CHRNB1: variants seen among roughly 807,000 people sequenced by gnomAD.
The protein encoded by CHRNB1 is acetylcholine receptor subunit beta.
CHRNB1 carries 47 observed loss-of-function variants against 53.8 expected under a neutral mutation model. The ratio of observed to expected loss-of-function variants is 0.87; its 90% CI spans 0.69 to 1.11. The LOEUF (loss-of-function observed/expected upper bound fraction) is 1.11. Among genes scored for constraint, CHRNB1 ranks in the 50% most tolerant of loss-of-function variants. The pLI is 0.00. For missense variants in CHRNB1, 605 were observed against 654.9 expected (o/e 0.92, Z 0.83); for synonymous variants, 259 against 263.5 (o/e 0.98, Z 0.16).
At chr17:7,452,624 C>A (rs1233249474) in intron 7 of CHRNB1, among the ~76,000 whole-genome samples, 7 of 152,314 alleles carry the variant, frequency 4.6e-5, no homozygotes, top group Admixed American at 2.0e-4. Context: ...GCCATGGAAA[C>A]ACCTGGGAGT....
At chr17:7,449,776 G>T (rs1908814083) in intron 7 of CHRNB1, among the ~76,000 whole-genome samples, 1 of 151,772 alleles carries the variant, frequency 6.6e-6, no homozygotes, top group South Asian at 2.1e-4. Context: ...CGGGCGCGGT[G>T]GCTCACGCCT....
At chr17:7,455,203 T>A in intron 8 of CHRNB1, 81 bp from the exon 9 acceptor site, 1 of 1,504,736 alleles carries the variant, frequency 6.6e-7, no homozygotes. Flanking sequence ...GGAATGGGCA[T>A]GTGGAGTGGG....
Position 7,456,642 on chromosome 17 carries a change from C to A in CHRNB1, c.1425C>A (p.Phe475Leu), listed in dbSNP as rs767365992. The change falls in exon 11 of 11, where the codon TTC (phenylalanine) becomes TTA (leucine). Residue 475 changes from phenylalanine (F) to leucine (L), a missense_variant. Coordinates refer to ENST00000306071, the MANE Select transcript of CHRNB1 (RefSeq NM_000747.3). ...TGGACCGCCTCTTCCTGTGGACTTT[C>A]ATCATCTTCACCAGCGTTGGGACCC... ...MVVDRLFLWTFIIFTSVGTLV... is the reference protein window; with the variant it reads ...MVVDRLFLWTLIIFTSVGTLV... The A allele has an allele frequency of 1.2e-6, 2 of 1,614,138 alleles. No individual in the cohort carries two copies. The highest frequency in any genetic ancestry group is 2.2e-5 in the East Asian group (1 of 44,876).
chr17:7,452,494 T>C (rs1908925992), intron 7 of CHRNB1, among the ~76,000 whole-genome samples: 1 of 152,112 alleles, frequency 6.6e-6, no homozygotes, highest in South Asian at 2.1e-4. Flanking sequence ...TAGAGCAAGG[T>C]GGTGATGTAG....
At position 7,454,534 on chromosome 17, in the gene CHRNB1, C is replaced by T. The variant is rs762732871; in HGVS notation, c.1044+14C>T. ...TGGGTCCGTCAGGTAAGAAAGATCT[C>T]CTCCTCCAACCCCAATTTTCCTTTT... On this transcript the variant is annotated intron_variant, in intron 8 of 10. Coordinates refer to ENST00000306071, the MANE Select transcript of CHRNB1 (RefSeq NM_000747.3). 3.7e-6 allele frequency: 6 copies of T among 1,603,118 alleles called. No individual in the cohort carries two copies. The highest frequency in any genetic ancestry group is 5.1e-6 in the Non-Finnish European group (6 of 1,170,166).
rs76001008 is a variant in CHRNB1, at chr17:7,454,288, C to T, written c.821-9C>T. Reference sequence around the variant, plus strand: ...TCTAATCCTTCTCTCTTCCCCTCTGCCCTCCAAGGAGAGAAGATGGGGCTC... The same window carrying T: ...TCTAATCCTTCTCTCTTCCCCTCTGTCCTCCAAGGAGAGAAGATGGGGCTC... On this transcript the variant is annotated splice_polypyrimidine_tract_variant and intron_variant, in intron 7 of 10. Transcript: ENST00000306071. 0.018 allele frequency: 29,023 copies of T among 1,605,916 alleles called. 321 individuals carry two copies. The highest frequency in any genetic ancestry group is 0.021 in the Non-Finnish European group (24,677 of 1,172,524).
chr17:7,446,438 C>CG (rs1567676932), intron 3 of CHRNB1: 3 of 526,726 alleles, frequency 5.7e-6, no homozygotes, highest in South Asian at 2.1e-5. Context: ...CCACCAGCCT[C>CG]GGGGGGAACC....
intron 8 of CHRNB1, among the ~76,000 whole-genome samples, chr17:7,454,756 CTCTT>C (rs951654742): frequency 7.6e-5 from 11 of 145,272 alleles, no homozygotes; most frequent in Non-Finnish European, 1.5e-4. Flanking sequence ...TGGAAGCCCT[CTCTT>C]TCCAGTTGGG....
chr17:7,448,614 C>G lies in CHRNB1; in HGVS notation c.646C>G (p.Arg216Gly), dbSNP rs780988754. The change falls in exon 7 of 11, where the codon CGG becomes GGG. Residue 216 changes from arginine (R) to glycine (G), a missense_variant. Transcript: ENST00000306071. ...GTGGGAGATTATCCACAAGCCCTCT[C>G]GGCTAATCCAGCCTCCAGGCGATCC... ...GQWEIIHKPS[R>G]LIQPPGDPRG... The G allele has an allele frequency of 1.9e-6, 3 of 1,614,140 alleles. No homozygotes were observed. Among genetic ancestry groups the G allele is most frequent in the South Asian group, 2.2e-5 (2 of 91,086 alleles).
chr17:7,455,249 A>G (rs1247222716), intron 8 of CHRNB1, 35 bp from the exon 9 acceptor site: 1 of 1,613,518 alleles, frequency 6.2e-7, no homozygotes, highest in East Asian at 2.2e-5. Context: ...TGAAAGCATG[A>G]AAGCCCCCAC....
chr17:7,456,505 G>A lies in CHRNB1; in HGVS notation c.1366-78G>A, dbSNP rs2069952133. On this transcript the variant is annotated intron_variant, in intron 10 of 10. Coordinates refer to ENST00000306071, the MANE Select transcript of CHRNB1 (RefSeq NM_000747.3). ...ACCAGTGGTAGGAGGACTCAAGCGG[G>A]TAGCGGGCGGGGAAATGGGGGGGTT... 55 of 1,593,158 alleles carry A rather than the reference G, an allele frequency of 3.5e-5. No individual in the cohort carries two copies. The South Asian group carries it at 5.6e-4, about 16-fold the overall frequency.
At chr17:7,447,408 G>A in intron 5 of CHRNB1, 95 bp from the exon 6 acceptor site, 3 of 1,443,940 alleles carry the variant, frequency 2.1e-6, no homozygotes, top group Non-Finnish European at 2.9e-6. Context: ...ATTCCTCCAT[G>A]ATTTCCCTTC....
At position 7,455,801 on chromosome 17, in the gene CHRNB1, C is replaced by T. The variant is rs202144045; in HGVS notation, c.1225C>T (p.Pro409Ser). 6.2e-7 allele frequency: 1 copy of T among 1,614,174 alleles called. No homozygotes were observed. Among genetic ancestry groups the T allele is most frequent in the African/African-American group, 1.3e-5 (1 of 75,028 alleles). ...FLFPKPNRFQ[P>S]ELSAPDLRRF... Reference sequence around the variant, plus strand: ...CAGTCACTCCTCTTCCAGGTTCCAGCCTGAACTGTCTGCCCCTGATCTGCG... The same window carrying T: ...CAGTCACTCCTCTTCCAGGTTCCAGTCTGAACTGTCTGCCCCTGATCTGCG... Residue 409 changes from proline (P) to serine (S), a missense_variant, in exon 10 of 11, where the codon CCT becomes TCT. Coordinates refer to ENST00000306071, the MANE Select transcript of CHRNB1 (RefSeq NM_000747.3).
At chr17:7,456,457 G>T in intron 10 of CHRNB1, 126 bp from the exon 11 acceptor site, 1 of 1,222,054 alleles carries the variant, frequency 8.2e-7, no homozygotes, top group Non-Finnish European at 1.2e-6. Context: ...CTCTCCTGTT[G>T]GCGCTGCCGG....
intron 5 of CHRNB1, 120 bp downstream of exon 5, chr17:7,447,271 C>A: frequency 1.0e-6 from 1 of 959,838 alleles, no homozygotes; most frequent in Non-Finnish European, 1.6e-6. Flanking sequence ...ATCCCCATGA[C>A]CCTCACCTCG....
chr17:7,446,412 CG>C, intron 3 of CHRNB1: 1 of 532,140 alleles, frequency 1.9e-6, no homozygotes, highest in Non-Finnish European at 3.4e-6. Flanking sequence ...TTCTTGAATG[CG>C]GGGGCTCGAG....
chr17:7,447,301 A>C, intron 5 of CHRNB1, 150 bp downstream of exon 5: 1 of 919,030 alleles, frequency 1.1e-6, no homozygotes, highest in Non-Finnish European at 1.7e-6. Context: ...CTGGTTTTCC[A>C]TTGAGTGTTC....
intron 7 of CHRNB1, among the ~76,000 whole-genome samples, chr17:7,451,939 G>T (rs1908903267): frequency 6.6e-6 from 1 of 152,202 alleles, no homozygotes; most frequent in South Asian, 2.1e-4. Context: ...GTCCTAGAGG[G>T]CCACCCCAGC....
intron 5 of CHRNB1, 102 bp downstream of exon 5, chr17:7,447,253 A>T (rs1908678720): frequency 9.7e-7 from 1 of 1,035,270 alleles, no homozygotes; most frequent in African/African-American, 1.6e-5. Flanking sequence ...TCCTTCCCCC[A>T]TTATCTAATC....
Sources: allele counts gnomAD v4.1 joint callset (sites outside exome capture counted in the v4.1 genomes callset), GRCh38; gene constraint gnomAD v4.1.1; transcripts MANE v1.5; gene names NCBI Gene and HGNC (gene_info 2026-07-23, HGNC 2026-07-21).